MGST2: variants seen among roughly 807,000 people sequenced by gnomAD.
The protein encoded by MGST2 is glutathione peroxidase MGST2.
Under a neutral mutation model 16.6 loss-of-function variants are expected in MGST2, and 9 were observed. That is an observed-to-expected ratio of 0.54 (90% CI 0.33 to 0.95). The LOEUF is 0.95. Among genes scored for constraint, MGST2 ranks in the 40% least tolerant of loss-of-function variants. The probability of loss-of-function intolerance (pLI) is 0.03; values close to 1 mark genes in which losing one functional copy is unlikely to be tolerated. For missense variants in MGST2, 159 were observed against 175.1 expected (o/e 0.91, Z 0.52); for synonymous variants, 79 against 68.0 (o/e 1.16, Z -0.79).
intron 5 of MGST2, among the ~76,000 whole-genome samples, chr4:139,726,618 G>A (rs937866892): frequency 1.3e-5 from 2 of 152,148 alleles, no homozygotes; most frequent in East Asian, 3.9e-4. Flanking sequence ...ATCCTCAGGA[G>A]TTATACAAAA....
At chr4:139,753,961 G>A in the MGST2 span, among the ~76,000 whole-genome samples, 1 of 151,958 alleles carries the variant, frequency 6.6e-6, no homozygotes, top group Non-Finnish European at 1.5e-5. Context: ...TGGAGGGAGG[G>A]GTAAGAGTTA....
chr4:139,686,742 A>C (rs1327233180), intron 2 of MGST2, among the ~76,000 whole-genome samples: 2 of 152,216 alleles, frequency 1.3e-5, no homozygotes, highest in Non-Finnish European at 2.9e-5. Flanking sequence ...GATTTGTAGA[A>C]AGATAGTGAT....
the MGST2 span, among the ~76,000 whole-genome samples, chr4:139,747,164 T>C: frequency 6.6e-6 from 1 of 152,210 alleles, no homozygotes; most frequent in Non-Finnish European, 1.5e-5. Context: ...TGATGGTTTC[T>C]GTAGGGTGGA....
chr4:139,701,611 T>C (rs1727254202), intron 3 of MGST2, among the ~76,000 whole-genome samples: 2 of 152,176 alleles, frequency 1.3e-5, no homozygotes, highest in Non-Finnish European at 1.5e-5. Flanking sequence ...CTCTCTGAAG[T>C]CAGGGAGCTT....
Position 139,735,383 on chromosome 4 carries a change from A to G in MGST2, c.*49-4829A>G, listed in dbSNP as rs1366102148. ...CTTTTCTTCCAGCCGGAGGGGAGGA[A>G]GAATTCAAGTGGGGGAGGGCGCGGG... is the stretch of plus-strand genomic sequence containing the variant. On this transcript the variant is annotated intron_variant, in intron 5 of 5. Coordinates refer to the MGST2 transcript ENST00000616265. This position sits in a 1 kb window ranked among gnomAD's most constrained non-coding sequence, Gnocchi z 5.8. Among the ~76,000 whole-genome samples, 1 of 148,018 alleles carries G rather than the reference A, an allele frequency of 6.8e-6. No homozygotes were observed. The highest frequency in any genetic ancestry group is 2.5e-5 in the African/African-American group (1 of 40,774).
At chr4:139,707,457 G>A (rs534519576), downstream of MGST2, among the ~76,000 whole-genome samples, 622 of 152,218 alleles carry the variant, frequency 4.1e-3, 1 homozygote, top group Non-Finnish European at 7.2e-3. Flanking sequence ...ATCATTGTTG[G>A]ACATTTGGGT....
the MGST2 span, among the ~76,000 whole-genome samples, chr4:139,752,505 C>T: frequency 5.3e-5 from 8 of 152,058 alleles, no homozygotes; most frequent in Admixed American, 1.3e-4. Flanking sequence ...CACTCCCCAC[C>T]GTCTTCTTTG....
At chr4:139,703,372 T>C in intron 3 of MGST2, 83 bp from the exon 4 acceptor site, 1 of 1,137,950 alleles carries the variant, frequency 8.8e-7, no homozygotes, top group South Asian at 1.2e-5. Context: ...GTTTTGTGAA[T>C]ATTTTCTCAG....
chr4:139,681,789 G>T (rs562747117), intron 2 of MGST2, among the ~76,000 whole-genome samples: 1 of 152,240 alleles, frequency 6.6e-6, no homozygotes, highest in African/African-American at 2.4e-5. Context: ...ACCGGGCATT[G>T]TTATAATAGC....
downstream of MGST2, among the ~76,000 whole-genome samples, chr4:139,706,303 G>T (rs1727515708): frequency 6.6e-6 from 1 of 152,096 alleles, no homozygotes; most frequent in Non-Finnish European, 1.5e-5. Context: ...GTGAATCAAA[G>T]AAGTGAAGAC....
intron 2 of MGST2, among the ~76,000 whole-genome samples, chr4:139,689,998 A>C (rs1248319450): frequency 2.0e-5 from 3 of 152,116 alleles, no homozygotes; most frequent in African/African-American, 7.2e-5. Context: ...TTAATTAAAA[A>C]AAATTTTTTT....
At chr4:139,666,328 G>A (rs970203448) in intron 1 of MGST2, among the ~76,000 whole-genome samples, 1 of 152,078 alleles carries the variant, frequency 6.6e-6, no homozygotes, top group African/African-American at 2.4e-5. Flanking sequence ...CTGGAACGCT[G>A]TGGGGCCTCA....
chr4:139,677,023 C>T (rs922970361), intron 1 of MGST2, among the ~76,000 whole-genome samples: 9 of 152,166 alleles, frequency 5.9e-5, no homozygotes, highest in East Asian at 3.9e-4. Context: ...TGTGAGATTT[C>T]GTCTGTATAA....
chr4:139,753,177 A>T, the MGST2 span, among the ~76,000 whole-genome samples: 3 of 152,170 alleles, frequency 2.0e-5, no homozygotes, highest in African/African-American at 7.2e-5. Context: ...ATAACATAAA[A>T]TTTATCATTT....
exon 6 of MGST2, chr4:139,740,268 G>T (rs149622462): frequency 6.6e-6 from 1 of 152,224 alleles, no homozygotes; most frequent in East Asian, 1.9e-4. Flanking sequence ...TCAAGAACTC[G>T]AGAGGTGGGT....
chr4:139,733,389 CA>C (rs1388247964), intron 5 of MGST2, among the ~76,000 whole-genome samples: 1 of 152,006 alleles, frequency 6.6e-6, no homozygotes, highest in African/African-American at 2.4e-5. Context: ...CCTGTGTGAC[CA>C]GCCCGCACAG....
intron 2 of MGST2, among the ~76,000 whole-genome samples, chr4:139,679,727 A>G (rs1381934874): frequency 6.6e-6 from 1 of 152,116 alleles, no homozygotes; most frequent in East Asian, 1.9e-4. Context: ...TGGGGTGAAT[A>G]CCACCGGGAG....
chr4:139,667,987 AGGGGTCT>A (rs1359632216), intron 1 of MGST2, among the ~76,000 whole-genome samples: 1 of 152,216 alleles, frequency 6.6e-6, no homozygotes, highest in Non-Finnish European at 1.5e-5. Context: ...ATCTGCCCAA[AGGGGTCT>A]GGCTACAGAT....
At chr4:139,748,056 A>C in the MGST2 span, among the ~76,000 whole-genome samples, 1 of 127,604 alleles carries the variant, frequency 7.8e-6, no homozygotes, top group Non-Finnish European at 1.8e-5. Context: ...CTTCGTCTAA[A>C]AAAAAAAAAA....
Sources: allele counts gnomAD v4.1 joint callset (sites outside exome capture counted in the v4.1 genomes callset), GRCh38; gene constraint gnomAD v4.1.1; non-coding constraint Gnocchi (gnomAD v3.1); transcripts MANE v1.5; gene names NCBI Gene and HGNC (gene_info 2026-07-23, HGNC 2026-07-21).